STOX1: variants seen among roughly 807,000 people sequenced by gnomAD.
STOX1 encodes the protein storkhead-box protein 1.
A neutral mutation model predicts 74.8 loss-of-function variants in STOX1; 57 were observed. The observed-to-expected ratio is 0.76, with a 90% confidence interval of 0.62 to 0.95. STOX1 has a LOEUF of 0.95. STOX1 is among the 40% of genes least tolerant of loss of function. The pLI is 0.00. For synonymous variants in STOX1, 375 were observed against 401.3 expected, an observed-to-expected ratio of 0.93 and a Z score of 0.78; for missense variants, 1,010 against 1,117.0, an observed-to-expected ratio of 0.90 and a Z score of 1.37.
intron 1 of STOX1, among the ~76,000 whole-genome samples, chr10:68,874,300 T>A (rs958485339): frequency 6.6e-6 from 1 of 151,840 alleles, no homozygotes; most frequent in Non-Finnish European, 1.5e-5. Flanking sequence ...TAAGAAAAAA[T>A]TAAGTACAAA....
chr10:68,867,472 C>T (rs773955481), intron 1 of STOX1, among the ~76,000 whole-genome samples: 20 of 152,120 alleles, frequency 1.3e-4, no homozygotes, highest in African/African-American at 2.7e-4. Context: ...TTGCTCAGGG[C>T]GCTGTTCTAA....
At chr10:68,880,614 T>C (rs1381093018) in intron 1 of STOX1, among the ~76,000 whole-genome samples, 1 of 152,144 alleles carries the variant, frequency 6.6e-6, no homozygotes, top group Non-Finnish European at 1.5e-5. Context: ...TTTTTCATAC[T>C]TTTGGTATGT....
rs150451682 is a variant in STOX1, at chr10:68,856,545, C to T, written c.311-25413C>T. On this transcript the variant is annotated intron_variant, in intron 1 of 3. Transcript: ENST00000298596. Reference sequence around the variant, plus strand: ...TATCAACATTCAAATCTCTCCCCTACACTGTTGTTTCCCCTGTGTAGGGGA... The same window carrying T: ...TATCAACATTCAAATCTCTCCCCTATACTGTTGTTTCCCCTGTGTAGGGGA... Among the ~76,000 whole-genome samples, 362 of 152,208 alleles carry T rather than the reference C, an allele frequency of 2.4e-3. 1 individual carries two copies. The highest frequency in any genetic ancestry group is 3.9e-3 in the Non-Finnish European group (264 of 68,020).
intron 1 of STOX1, among the ~76,000 whole-genome samples, chr10:68,828,530 A>C (rs1202089913): frequency 6.6e-6 from 1 of 151,968 alleles, no homozygotes; most frequent in Non-Finnish European, 1.5e-5. Context: ...CCGTTCCTCA[A>C]CTCTTAAAGC....
At position 68,886,357 on chromosome 10, in the gene STOX1, T is replaced by C; in HGVS notation, c.2561T>C (p.Ile854Thr). ...VQASAPADER[I>T]FDYYSARKAS... ...GCCTCAGCACCTGCTGATGAAAGAA[T>C]CTTTGATTACTATAGCGCAAGAAAA... The change falls in exon 3 of 4, where the codon ATC (isoleucine) becomes ACC (threonine). Residue 854 changes from isoleucine to threonine, a missense_variant. Coordinates refer to ENST00000298596, the MANE Select transcript of STOX1 (RefSeq NM_152709.5). The C allele has an allele frequency of 2.5e-6, 4 of 1,614,150 alleles. No individual in the cohort carries two copies. Among genetic ancestry groups the C allele is most frequent in the South Asian group, 1.1e-5 (1 of 91,088 alleles).
In STOX1 at chr10:68,861,065, G is replaced by A. The variant is rs150336537; in HGVS notation, c.311-20893G>A. Among the ~76,000 whole-genome samples the A allele has an allele frequency of 1.5e-3, 225 of 152,058 alleles. 3 individuals are homozygous for A. The highest frequency in any genetic ancestry group is 6.2e-3 in the East Asian group (32 of 5,180). On this transcript the variant is annotated intron_variant, in intron 1 of 3. Transcript: ENST00000298596. ...CTCTACTAAAAATACAAAATTAGCC[G>A]GGCATGATGGCACATGCCTATAATC... is the stretch of plus-strand genomic sequence containing the variant.
At chr10:68,830,160 C>T (rs1425957380) in intron 1 of STOX1, among the ~76,000 whole-genome samples, 1 of 152,100 alleles carries the variant, frequency 6.6e-6, no homozygotes, top group Non-Finnish European at 1.5e-5. Context: ...CACACGTCAC[C>T]TGTTGCTCCC....
chr10:68,868,430 C>T (rs1324130138), intron 1 of STOX1, among the ~76,000 whole-genome samples: 1 of 152,234 alleles, frequency 6.6e-6, no homozygotes, highest in Non-Finnish European at 1.5e-5. Flanking sequence ...GGTTTAGGAA[C>T]ACCTTGAGCG....
At chr10:68,866,980 C>T (rs370251976) in intron 1 of STOX1, among the ~76,000 whole-genome samples, 4 of 134,096 alleles carry the variant, frequency 3.0e-5, no homozygotes, top group Admixed American at 8.5e-5. Flanking sequence ...GCCTCTTGCT[C>T]TGTCACCCAG....
At position 68,839,874 on chromosome 10, in the gene STOX1, CAAACA is replaced by C. The variant is rs759884305; in HGVS notation, c.310+11965_310+11969del. Among the ~76,000 whole-genome samples the C allele has an allele frequency of 3.9e-3, 600 of 151,928 alleles. 5 individuals carry two copies. The highest frequency in any genetic ancestry group is 6.8e-3 in the Middle Eastern group (2 of 294). On this transcript the variant is annotated intron_variant, in intron 1 of 3. Coordinates refer to ENST00000298596, the MANE Select transcript of STOX1 (RefSeq NM_152709.5). ...CACTACACAGAGTGAGACTCCGTTT[CAAACA>C]AAACAAAACAAAACAAAACAAAAAC...
chr10:68,882,019 A>G lies in STOX1; in HGVS notation c.372A>G (p.Glu124=). 6.2e-7 allele frequency: 1 copy of G among 1,613,888 alleles called. No homozygotes were observed. The highest frequency in any genetic ancestry group is 8.5e-7 in the Non-Finnish European group (1 of 1,179,932). The change falls in exon 2 of 4, where the codon GAA becomes GAG. Residue 124 remains glutamate (E), a synonymous_variant. Coordinates refer to ENST00000298596, the MANE Select transcript of STOX1 (RefSeq NM_152709.5). ...AATCTCAGTTCGTACCTTTGGGTGA[A>G]GTTCTTTGCTGTGCTATATCTGATA... ...ITQSQFVPLG[E]VLCCAISDMN... is the part of the protein sequence containing the mutation.
Position 68,884,445 on chromosome 10 carries a change from T to C in STOX1, c.649T>C (p.Ser217Pro). The change falls in exon 3 of 4, where the codon TCC (serine) becomes CCC (proline). Residue 217 changes from serine (S) to proline (P), a missense_variant. Physicochemically the swap from Ser to Pro is moderately conservative, Grantham distance 74 (BLOSUM62 -1). Transcript: ENST00000298596. ...AGATGAAAGTCGCCTGATGCCAGCT[T>C]CCATGACATATCTGGTGAGCATGGA... is the stretch of plus-strand genomic sequence containing the variant. ...PSDESRLMPA[S>P]MTYLVSMESC... The C allele has an allele frequency of 6.2e-7, 1 of 1,613,984 alleles. No homozygotes were observed. Among genetic ancestry groups the C allele is most frequent in the East Asian group, 2.2e-5 (1 of 44,884 alleles).
chr10:68,859,549 T>C (rs1384687885), intron 1 of STOX1, among the ~76,000 whole-genome samples: 2 of 152,082 alleles, frequency 1.3e-5, no homozygotes, highest in African/African-American at 2.4e-5. Context: ...GTTAATGTGT[T>C]GAAAATAAGT....
At chr10:68,852,133 C>G (rs1840000745) in intron 1 of STOX1, among the ~76,000 whole-genome samples, 1 of 151,392 alleles carries the variant, frequency 6.6e-6, no homozygotes. Flanking sequence ...GACTCCCTCT[C>G]AAAAATAAAT....
chr10:68,835,910 C>T (rs1589214753), intron 1 of STOX1, among the ~76,000 whole-genome samples: 1 of 152,202 alleles, frequency 6.6e-6, no homozygotes, highest in Non-Finnish European at 1.5e-5. Context: ...CTCGCTCTGT[C>T]GCCCAGGCTG....
chr10:68,833,477 C>G (rs1839463503), intron 1 of STOX1, among the ~76,000 whole-genome samples: 1 of 152,116 alleles, frequency 6.6e-6, no homozygotes, highest in African/African-American at 2.4e-5. Flanking sequence ...CCCGAGTGAG[C>G]AATTCCTGTC....
chr10:68,892,177 T>C (rs981356970), intron 3 of STOX1, among the ~76,000 whole-genome samples: 3 of 152,152 alleles, frequency 2.0e-5, no homozygotes, highest in African/African-American at 7.2e-5. Context: ...TTGTTCCTTC[T>C]AGAAAAGAAC....
At chr10:68,835,923 G>C (rs1377113369) in intron 1 of STOX1, among the ~76,000 whole-genome samples, 1 of 152,208 alleles carries the variant, frequency 6.6e-6, no homozygotes, top group East Asian at 1.9e-4. Context: ...CCAGGCTGGA[G>C]TGCAGTGGTG....
intron 1 of STOX1, among the ~76,000 whole-genome samples, chr10:68,842,665 G>A (rs778122656): frequency 2.0e-5 from 3 of 148,538 alleles, no homozygotes; most frequent in Non-Finnish European, 4.4e-5. Flanking sequence ...TCAGCCTCCC[G>A]AGTAGCGGGG....
Sources: allele counts gnomAD v4.1 joint callset (sites outside exome capture counted in the v4.1 genomes callset), GRCh38; gene constraint gnomAD v4.1.1; transcripts MANE v1.5; gene names NCBI Gene and HGNC (gene_info 2026-07-23, HGNC 2026-07-21).